Variants in FER1L5 observed in about 807,000 individuals in gnomAD.
FER1L5 encodes the protein fer-1 like family member 5, also known as fer-1-like protein 5.
A neutral mutation model predicts 279.9 loss-of-function variants in FER1L5; 187 were observed. The observed-to-expected ratio is 0.67, with a 90% confidence interval of 0.59 to 0.75. FER1L5 has a LOEUF of 0.75. FER1L5 is among the 30% of genes least tolerant of loss of function. The probability of loss-of-function intolerance (pLI) is 0.00; values close to 1 mark genes in which losing one functional copy is unlikely to be tolerated. For missense variants in FER1L5, 2,091 were observed against 2,594.4 expected, an observed-to-expected ratio of 0.81 and a Z score of 4.21; for synonymous variants, 921 against 989.7, an observed-to-expected ratio of 0.93 and a Z score of 1.30.
chr2:96,672,552 C>A (rs576140325), intron 18 of FER1L5, among the ~76,000 whole-genome samples: 34 of 152,092 alleles, frequency 2.2e-4, no homozygotes, highest in African/African-American at 7.7e-4. Context: ...GGGGCTGATA[C>A]AATGGACAGG....
At position 96,694,289 on chromosome 2, in the gene FER1L5, G is replaced by T; in HGVS notation, c.3637-71G>T. The T allele has an allele frequency of 7.0e-7, 1 of 1,421,218 alleles. No homozygotes were observed. The highest frequency in any genetic ancestry group is 1.4e-5 in the South Asian group (1 of 70,540). The allele number at this position is 1,421,218 out of a possible 1,614,324, so 88.0% of individuals were successfully genotyped here. ...TCTGGGCTCGGTGAGGCCTCTGAGG[G>T]ACCTGCTTGAGGTGAGGGTGAGGGC... On this transcript the variant is annotated intron_variant, in intron 33 of 52. Coordinates refer to ENST00000624922, the MANE Select transcript of FER1L5 (RefSeq NM_001293083.2). The surrounding 1 kb of genome is among the most constrained non-coding windows in gnomAD (Gnocchi z 4.6).
Position 96,663,527 on chromosome 2 carries a change from C to G in FER1L5, c.1140+20C>G. ...ATTCAGGTATGGCTCCTCCATCATGCCCACCCTTCTCCCACATCCCCTAAC... is the reference window on the plus strand; with the variant it reads ...ATTCAGGTATGGCTCCTCCATCATGGCCACCCTTCTCCCACATCCCCTAAC... On this transcript the variant is annotated intron_variant, in intron 14 of 52. Transcript: ENST00000624922. 1.9e-6 allele frequency: 3 copies of G among 1,550,472 alleles called. No homozygotes were observed.
At chr2:96,642,975 G>A (rs2074949310) in intron 1 of FER1L5, 54 bp downstream of exon 1, 2 of 1,476,866 alleles carry the variant, frequency 1.4e-6, no homozygotes, top group Non-Finnish European at 1.8e-6. Context: ...AGGCAACATG[G>A]ATTCAGTGAA....
intron 10 of FER1L5, 85 bp from the exon 11 acceptor site, chr2:96,661,240 C>T: frequency 5.4e-6 from 5 of 927,280 alleles, no homozygotes; most frequent in Non-Finnish European, 8.0e-6. Flanking sequence ...TTTCCACCTT[C>T]CCCTCCTGCT....
At chr2:96,659,178 C>T (rs1184278562) in intron 9 of FER1L5, among the ~76,000 whole-genome samples, 2 of 152,048 alleles carry the variant, frequency 1.3e-5, no homozygotes, top group African/African-American at 4.8e-5. Context: ...CGTGATCCGC[C>T]TGCCTCAGCC....
intron 19 of FER1L5, among the ~76,000 whole-genome samples, chr2:96,676,881 G>T (rs143680018): frequency 2.0e-5 from 3 of 151,902 alleles, no homozygotes; most frequent in Admixed American, 6.6e-5. Flanking sequence ...TTTTGGGACG[G>T]AGTCTCACTC....
rs989604379 is a variant in FER1L5, at chr2:96,663,464, C to A, written c.1097C>A (p.Thr366Asn). The A allele has an allele frequency of 4.5e-6, 7 of 1,551,632 alleles. No homozygotes were observed. The highest frequency in any genetic ancestry group is 1.7e-4 in the Middle Eastern group (1 of 5,994). ...CTCAGGACACACATGCAGACCCAAA[C>A]CGACAACCCGATATGGAACCAGATC... ...EKLRTHMQTQ[T>N]DNPIWNQILT... The change falls in exon 14 of 53, where the codon ACC (threonine) becomes AAC (asparagine). Residue 366 changes from threonine to asparagine, a missense_variant. Coordinates refer to ENST00000624922, the MANE Select transcript of FER1L5 (RefSeq NM_001293083.2).
At chr2:96,684,651 T>C (rs2076853287) in intron 20 of FER1L5, among the ~76,000 whole-genome samples, 200 bp downstream of exon 20, 1 of 152,182 alleles carries the variant, frequency 6.6e-6, no homozygotes, top group African/African-American at 2.4e-5. Context: ...CTGTCCTCAC[T>C]GTCTAGGGAA....
intron 14 of FER1L5, among the ~76,000 whole-genome samples, chr2:96,665,269 T>C (rs2076088934): frequency 6.6e-6 from 1 of 152,188 alleles, no homozygotes; most frequent in Admixed American, 6.5e-5. Context: ...CCTCATACCT[T>C]ACATTGTGAA....
intron 34 of FER1L5, 144 bp from the exon 35 acceptor site, chr2:96,695,365 A>T: frequency 9.1e-7 from 1 of 1,102,238 alleles, no homozygotes; most frequent in East Asian, 2.7e-5. Context: ...GCGCCTTCAG[A>T]CACTGGCTCC....
chr2:96,648,593 A>G (rs984060935), intron 4 of FER1L5, among the ~76,000 whole-genome samples: 30 of 152,184 alleles, frequency 2.0e-4, no homozygotes, highest in African/African-American at 7.0e-4. Context: ...GTTATTAATC[A>G]AGGCCTGGCC....
chr2:96,671,468 T>C (rs963160454), intron 18 of FER1L5, among the ~76,000 whole-genome samples: 4 of 152,180 alleles, frequency 2.6e-5, no homozygotes, highest in Admixed American at 1.3e-4. Flanking sequence ...CTGCCATGGG[T>C]GACGAGGTGG....
At chr2:96,692,629 C>T (rs2077197221) in intron 31 of FER1L5, among the ~76,000 whole-genome samples, 1 of 152,172 alleles carries the variant, frequency 6.6e-6, no homozygotes, top group Admixed American at 6.5e-5. Flanking sequence ...TGCTTGGGAA[C>T]CATGTATCAC....
chr2:96,649,038 TG>T (rs573533230), intron 4 of FER1L5, among the ~76,000 whole-genome samples: 2 of 64,346 alleles, frequency 3.1e-5, no homozygotes, highest in African/African-American at 6.1e-5. Context: ...TGTCACACGG[TG>T]GGGGGGTGGG....
intron 9 of FER1L5, among the ~76,000 whole-genome samples, chr2:96,655,859 A>C (rs1359299286): frequency 6.6e-6 from 1 of 151,658 alleles, no homozygotes; most frequent in Non-Finnish European, 1.5e-5. Context: ...ACAGGTGTGC[A>C]CCACTGCACC....
intron 6 of FER1L5, among the ~76,000 whole-genome samples, chr2:96,651,628 G>A (rs973933383): frequency 1.3e-5 from 2 of 151,906 alleles, no homozygotes; most frequent in African/African-American, 4.8e-5. Context: ...AGCCTCCTGA[G>A]TAGCTGGGAT....
At chr2:96,652,724 A>G (rs1458071932) in intron 7 of FER1L5, 2 of 152,988 alleles carry the variant, frequency 1.3e-5, no homozygotes, top group African/African-American at 4.8e-5. Context: ...CTCAGGAGCC[A>G]TGGAGGACTT....
intron 19 of FER1L5, among the ~76,000 whole-genome samples, chr2:96,678,503 G>A (rs773771214): frequency 8.6e-5 from 13 of 151,726 alleles, no homozygotes; most frequent in South Asian, 2.1e-4. Flanking sequence ...GTGCAATCAC[G>A]GGCTCATGGC....
At chr2:96,696,008 C>CCT in intron 36 of FER1L5, 44 bp from the exon 37 acceptor site, 1 of 1,612,850 alleles carries the variant, frequency 6.2e-7, no homozygotes, top group Admixed American at 1.7e-5. Flanking sequence ...CCTCCTCAGC[C>CCT]CTCTCCCCAT....
Sources: allele counts gnomAD v4.1 joint callset (sites outside exome capture counted in the v4.1 genomes callset), GRCh38; gene constraint gnomAD v4.1.1; non-coding constraint Gnocchi (gnomAD v3.1); transcripts MANE v1.5; gene names NCBI Gene and HGNC (gene_info 2026-07-23, HGNC 2026-07-21).